Variants in PACSIN2 observed in about 807,000 individuals in gnomAD.
PACSIN2 encodes the protein protein kinase C and casein kinase substrate in neurons protein 2.
A neutral mutation model predicts 63.8 loss-of-function variants in PACSIN2; 25 were observed. The observed-to-expected ratio is 0.39, with a 90% CI of 0.29 to 0.55. PACSIN2 has a LOEUF of 0.55. PACSIN2 is among the 20% of genes least tolerant of loss of function. The probability of loss-of-function intolerance (pLI) is 0.62; values close to 1 mark genes in which losing one functional copy is unlikely to be tolerated. For synonymous variants in PACSIN2, 255 were observed against 256.2 expected (o/e 1.00, Z 0.05); for missense variants, 518 against 646.9 (o/e 0.80, Z 2.16).
Position 42,888,761 on chromosome 22 carries a change from T to C in PACSIN2, c.491A>G (p.Lys164Arg). The change falls in exon 5 of 11, where the codon AAA becomes AGA. Residue 164 changes from lysine (K) to arginine (R), a missense_variant. By Grantham distance (26) the Lys-to-Arg change is conservative (BLOSUM62 2). This residue lies in a region of PACSIN2 where 507 missense variants were observed against 612.3 expected (regional missense o/e 0.83). Coordinates refer to ENST00000263246, the MANE Select transcript of PACSIN2 (RefSeq NM_001184970.3). ...TCGTGAGATAGCCAGCTTCTCCTCT[T>C]TGCACGCTGCATGGTGGGCTTTCTT... is the stretch of plus-strand genomic sequence containing the variant. Reference protein sequence around the residue: ...AAKKAHHAACKEEKLAISREA... With the variant: ...AAKKAHHAACREEKLAISREA... 1 of 1,614,208 alleles carries C rather than the reference T, an allele frequency of 6.2e-7. No homozygotes were observed. Among genetic ancestry groups the C allele is most frequent in the Non-Finnish European group, 8.5e-7 (1 of 1,180,032 alleles).
chr22:42,880,722 C>G (rs560631557), intron 7 of PACSIN2: 1 of 152,230 alleles, frequency 6.6e-6, no homozygotes, highest in African/African-American at 2.4e-5. Context: ...GGGGCTGGTT[C>G]CCAGCCCATG....
chr22:42,887,518 G>T (rs886211164), intron 5 of PACSIN2, among the ~76,000 whole-genome samples: 4 of 152,122 alleles, frequency 2.6e-5, no homozygotes, highest in Admixed American at 1.3e-4. Flanking sequence ...TTCCTGGAGT[G>T]CAGCCTCTCT....
At chr22:42,909,204 G>A (rs1347458950) in intron 2 of PACSIN2, among the ~76,000 whole-genome samples, 2 of 152,078 alleles carry the variant, frequency 1.3e-5, no homozygotes, top group Non-Finnish European at 2.9e-5. Context: ...ACGGCACCTG[G>A]CATGATGACC....
intron 1 of PACSIN2, among the ~76,000 whole-genome samples, chr22:42,935,868 A>G (rs1305665521): frequency 6.6e-6 from 1 of 152,108 alleles, no homozygotes; most frequent in Non-Finnish European, 1.5e-5. Context: ...ATCAAGTCTT[A>G]CTGGCCACGT....
chr22:42,903,351 C>G (rs141480477), intron 2 of PACSIN2, among the ~76,000 whole-genome samples: 1 of 152,228 alleles, frequency 6.6e-6, no homozygotes, highest in Non-Finnish European at 1.5e-5. Flanking sequence ...TCCAACCTAT[C>G]CTAACCCCTA....
intron 1 of PACSIN2, among the ~76,000 whole-genome samples, chr22:42,981,933 C>T (rs1922189468): frequency 2.3e-5 from 2 of 85,618 alleles, no homozygotes; most frequent in African/African-American, 4.6e-5. Flanking sequence ...CGCCTCTGCC[C>T]GGCCGCCCCT....
At chr22:43,008,868 GAGA>G (rs1924268763) in intron 1 of PACSIN2, among the ~76,000 whole-genome samples, 2 of 152,234 alleles carry the variant, frequency 1.3e-5, no homozygotes, top group South Asian at 4.1e-4. Context: ...CTAAGCAACT[GAGA>G]AGTAGTCATT....
Position 43,010,398 on chromosome 22 carries a change from A to ATATATTTTT in PACSIN2, c.-78+4622_-78+4623insAAAAATATA. 5.0e-3 allele frequency among the ~76,000 whole-genome samples: 637 copies of ATATATTTTT among 126,402 alleles called. 10 individuals are homozygous for ATATATTTTT. In the East Asian group the frequency reaches 0.055, roughly 11 times the overall value. 82.9% of individuals were successfully genotyped at this position (126,402 alleles called of 152,430 possible). On this transcript the variant is annotated intron_variant, in intron 1 of 10. Coordinates refer to ENST00000263246, the MANE Select transcript of PACSIN2 (RefSeq NM_001184970.3). The stretch of plus-strand genomic sequence containing the variant: ...TGTTTAAAAATACATATATATATAT[A>ATATATTTTT]TTTTTTTTTAATTGAAAATAAAAAA...
At chr22:43,013,672 C>T (rs1924648594) in intron 1 of PACSIN2, among the ~76,000 whole-genome samples, 1 of 152,132 alleles carries the variant, frequency 6.6e-6, no homozygotes. Context: ...CTTCAGCACA[C>T]GGGAATAACC....
At chr22:42,951,578 C>A (rs937711385) in intron 1 of PACSIN2, among the ~76,000 whole-genome samples, 1 of 152,210 alleles carries the variant, frequency 6.6e-6, no homozygotes. Flanking sequence ...CCCGGTTGGG[C>A]TCCTCCAGGA....
chr22:42,951,683 G>A (rs1933699329), intron 1 of PACSIN2, among the ~76,000 whole-genome samples: 1 of 152,170 alleles, frequency 6.6e-6, no homozygotes, highest in Non-Finnish European at 1.5e-5. Flanking sequence ...AACAGAGCCA[G>A]AATGTGGCCG....
chr22:42,953,546 C>T (rs1352514269), intron 1 of PACSIN2, among the ~76,000 whole-genome samples: 1 of 152,046 alleles, frequency 6.6e-6, no homozygotes. Context: ...TTTAGCATGG[C>T]TGATGAACAG....
intron 2 of PACSIN2, among the ~76,000 whole-genome samples, chr22:42,899,772 G>GTGCT (rs1200615285): frequency 6.6e-6 from 1 of 152,206 alleles, no homozygotes; most frequent in African/African-American, 2.4e-5. Flanking sequence ...TAAGCACGGG[G>GTGCT]CCCAGCAGTG....
intron 1 of PACSIN2, among the ~76,000 whole-genome samples, chr22:42,974,450 GA>G (rs1921539973): frequency 6.6e-6 from 1 of 152,182 alleles, no homozygotes; most frequent in African/African-American, 2.4e-5. Flanking sequence ...CCCCACTGGA[GA>G]ACAGTAGAGG....
chr22:42,936,632 T>G (rs1160978535), intron 1 of PACSIN2, among the ~76,000 whole-genome samples: 2 of 152,044 alleles, frequency 1.3e-5, no homozygotes, highest in Non-Finnish European at 2.9e-5. Flanking sequence ...GGGTTATGGC[T>G]GGGCATGGTG....
intron 1 of PACSIN2, among the ~76,000 whole-genome samples, chr22:42,955,986 G>A (rs912328207): frequency 1.2e-4 from 18 of 152,224 alleles, no homozygotes; most frequent in Non-Finnish European, 1.2e-4. Context: ...AAGAGTCAAA[G>A]AGAGAGTTCC....
At chr22:42,881,590 C>A (rs889792764) in intron 7 of PACSIN2, among the ~76,000 whole-genome samples, 2 of 152,206 alleles carry the variant, frequency 1.3e-5, no homozygotes, top group Admixed American at 6.5e-5. Flanking sequence ...GGCCTAGTGA[C>A]CAATCCAAGG....
intron 1 of PACSIN2, among the ~76,000 whole-genome samples, chr22:42,979,757 C>T (rs1401720814): frequency 1.3e-5 from 2 of 152,128 alleles, no homozygotes; most frequent in African/African-American, 4.8e-5. Flanking sequence ...CTCCTCTAGG[C>T]TGGGAGATTC....
intron 1 of PACSIN2, among the ~76,000 whole-genome samples, chr22:42,978,696 A>C (rs1256464341): frequency 6.6e-6 from 1 of 152,224 alleles, no homozygotes; most frequent in Non-Finnish European, 1.5e-5. Context: ...GCAGACGTTC[A>C]GGTGGACTCA....
Sources: gnomAD v4.1 joint callset for allele counts (sites outside exome capture counted in the v4.1 genomes callset) on GRCh38, gnomAD v4.1.1 for gene constraint, gnomAD v4.1.1 regional missense constraint, MANE v1.5 for transcripts, NCBI Gene and HGNC (gene_info 2026-07-23, HGNC 2026-07-21) for gene names.